TRABD2B: variants seen among roughly 807,000 people sequenced by gnomAD.
TRABD2B encodes the protein TraB domain containing 2B.
In TRABD2B, 14 loss-of-function variants were observed where a neutral mutation model predicts 40.1. The observed-to-expected ratio is 0.35, with a 90% CI of 0.23 to 0.55. TRABD2B has a LOEUF of 0.55. Ranked by LOEUF, TRABD2B falls within the 20% of genes least tolerant of loss-of-function variation. TRABD2B has a pLI of 0.90. For synonymous variants in TRABD2B, 263 were observed against 277.0 expected, an observed-to-expected ratio of 0.95 and a Z score of 0.50; for missense variants, 541 against 648.6, an observed-to-expected ratio of 0.83 and a Z score of 1.80.
At chr1:47,830,504 C>T (rs1645234346) in intron 2 of TRABD2B, among the ~76,000 whole-genome samples, 1 of 152,226 alleles carries the variant, frequency 6.6e-6, no homozygotes, top group Non-Finnish European at 1.5e-5. Flanking sequence ...CCTTCATTCT[C>T]CAGGGCCTTG....
chr1:47,912,367 T>C (rs1437390558), intron 2 of TRABD2B, among the ~76,000 whole-genome samples: 1 of 152,246 alleles, frequency 6.6e-6, no homozygotes, highest in African/African-American at 2.4e-5. Flanking sequence ...AAGCAATGTG[T>C]GCGTTTTTTC....
chr1:47,986,845 C>A (rs916728658), intron 2 of TRABD2B, among the ~76,000 whole-genome samples: 2 of 152,190 alleles, frequency 1.3e-5, no homozygotes, highest in African/African-American at 4.8e-5. Flanking sequence ...AGCTGCTCGG[C>A]GAGACGGCTT....
chr1:47,863,887 C>T (rs1301199993), intron 2 of TRABD2B, among the ~76,000 whole-genome samples: 5 of 152,240 alleles, frequency 3.3e-5, no homozygotes, highest in Admixed American at 2.6e-4. Flanking sequence ...AACTACAGTA[C>T]ATCTAGCCAA....
intron 2 of TRABD2B, among the ~76,000 whole-genome samples, chr1:47,852,076 A>G (rs1460627420): frequency 6.6e-6 from 1 of 152,194 alleles, no homozygotes; most frequent in Non-Finnish European, 1.5e-5. Context: ...TGCTAAGGGA[A>G]AGGAAAACAG....
intron 2 of TRABD2B, among the ~76,000 whole-genome samples, chr1:47,822,099 T>C (rs1645118396): frequency 6.6e-6 from 1 of 152,056 alleles, no homozygotes; most frequent in Non-Finnish European, 1.5e-5. Flanking sequence ...ACGTTTCATG[T>C]ACAGACACAA....
Position 47,762,205 on chromosome 1 carries a change from A to T in TRABD2B, c.*3697T>A, listed in dbSNP as rs937541150. ...TCCTGTCTATTCTAGAGATGACTGC[A>T]CATCACGCTGGCCAGGCACAGGGTA... On this transcript the variant is annotated 3_prime_UTR_variant, in exon 7 of 7. Transcript: ENST00000606738. 12 of 152,220 alleles carry T rather than the reference A, an allele frequency of 7.9e-5. No homozygotes were observed. The highest frequency in any genetic ancestry group is 2.9e-5 in the Non-Finnish European group (2 of 68,066). 9.4% of individuals were successfully genotyped at this position (152,220 alleles called of 1,614,324 possible).
At position 47,974,861 on chromosome 1, in the gene TRABD2B, G is replaced by A. The variant is rs569453666; in HGVS notation, c.666+19173C>T. ...CAGTAATAAGTCATGTTGCTAGCAT[G>A]TACCTTTGATATGATGTGAGGAGAA... is the stretch of plus-strand genomic sequence containing the variant. On this transcript the variant is annotated intron_variant, in intron 2 of 6. Coordinates refer to ENST00000606738, the MANE Select transcript of TRABD2B (RefSeq NM_001194986.2). 2.0e-5 allele frequency among the ~76,000 whole-genome samples: 3 copies of A among 152,328 alleles called. No individual in the cohort carries two copies. The South Asian group carries it at 6.2e-4, about 32-fold the overall frequency.
intron 6 of TRABD2B, among the ~76,000 whole-genome samples, chr1:47,774,939 T>G (rs1325780314): frequency 1.3e-5 from 2 of 152,274 alleles, no homozygotes; most frequent in Non-Finnish European, 2.9e-5. Flanking sequence ...TGAAGAAAGC[T>G]TCTATTTCCT....
intron 3 of TRABD2B, among the ~76,000 whole-genome samples, chr1:47,799,785 C>T (rs1454790930): frequency 1.3e-5 from 2 of 151,916 alleles, no homozygotes; most frequent in African/African-American, 4.8e-5. Flanking sequence ...CTTCCATGCC[C>T]TCTCATCTTG....
chr1:47,897,692 T>C (rs1295293325), intron 2 of TRABD2B, among the ~76,000 whole-genome samples: 1 of 151,978 alleles, frequency 6.6e-6, no homozygotes, highest in Non-Finnish European at 1.5e-5. Context: ...TACCCCTCAT[T>C]TGCACCACAC....
At chr1:47,920,500 C>A (rs2124732999) in intron 2 of TRABD2B, among the ~76,000 whole-genome samples, 1 of 152,346 alleles carries the variant, frequency 6.6e-6, no homozygotes, top group East Asian at 1.9e-4. Flanking sequence ...CTGGGGGCAG[C>A]CCCACTGGCT....
intron 2 of TRABD2B, among the ~76,000 whole-genome samples, chr1:47,922,258 T>C (rs1333013509): frequency 2.6e-5 from 4 of 152,288 alleles, no homozygotes; most frequent in South Asian, 2.1e-4. Flanking sequence ...TTACTTGCTA[T>C]CTCTACCAAG....
chr1:47,895,468 C>G (rs1056485639), intron 2 of TRABD2B, among the ~76,000 whole-genome samples: 1 of 152,150 alleles, frequency 6.6e-6, no homozygotes, highest in African/African-American at 2.4e-5. Flanking sequence ...GCCCCCCTCC[C>G]ACCACAGTTA....
At position 47,765,841 on chromosome 1, in the gene TRABD2B, T is replaced by C. The variant is rs772984397; in HGVS notation, c.*61A>G. ...CCCCTGGAGGTGGTGGCAGGAGCAG[T>C]TGGGTGTGGCCGAAGACCCCTGTGT... On this transcript the variant is annotated 3_prime_UTR_variant, in exon 7 of 7. Transcript: ENST00000606738. 6.1e-5 allele frequency: 43 copies of C among 702,718 alleles called. No individual in the cohort carries two copies. The highest frequency in any genetic ancestry group is 2.3e-4 in the Middle Eastern group (1 of 4,368). 43.5% of individuals were successfully genotyped at this position (702,718 alleles called of 1,614,324 possible).
intron 2 of TRABD2B, among the ~76,000 whole-genome samples, chr1:47,951,827 A>G (rs1645348919): frequency 6.6e-6 from 1 of 152,178 alleles, no homozygotes; most frequent in South Asian, 2.1e-4. Context: ...CCCACTTTAT[A>G]TACTAGGGAA....
At chr1:47,904,557 G>A (rs888940556) in intron 2 of TRABD2B, among the ~76,000 whole-genome samples, 24 of 152,230 alleles carry the variant, frequency 1.6e-4, no homozygotes, top group African/African-American at 5.5e-4. Flanking sequence ...CACAGGACAA[G>A]GGGTGCTTGC....
intron 4 of TRABD2B, among the ~76,000 whole-genome samples, chr1:47,792,002 T>A (rs960037905): frequency 6.6e-6 from 1 of 152,160 alleles, no homozygotes; most frequent in African/African-American, 2.4e-5. Context: ...CAGCTCAAGC[T>A]CAGAGGCTCT....
chr1:47,977,777 T>C (rs1645779749), intron 2 of TRABD2B, among the ~76,000 whole-genome samples: 1 of 151,392 alleles, frequency 6.6e-6, no homozygotes, highest in Admixed American at 6.6e-5. Flanking sequence ...AATTGAAAAG[T>C]ATGCCTCTGG....
chr1:47,877,989 G>A lies in TRABD2B; in HGVS notation c.667-76370C>T, dbSNP rs548352738. On this transcript the variant is annotated intron_variant, in intron 2 of 6. Coordinates refer to ENST00000606738, the MANE Select transcript of TRABD2B (RefSeq NM_001194986.2). ...TCTGCACTCCAGCCTGGGCGACAGA[G>A]CAAGTCTCCATCTCAGAAAAAAAAA... Among the ~76,000 whole-genome samples, 3 of 150,822 alleles carry A rather than the reference G, an allele frequency of 2.0e-5. No homozygotes were observed. The South Asian group carries it at 6.3e-4, about 32-fold the overall frequency.
Sources: allele counts gnomAD v4.1 joint callset (sites outside exome capture counted in the v4.1 genomes callset), GRCh38; gene constraint gnomAD v4.1.1; transcripts MANE v1.5; gene names NCBI Gene and HGNC (gene_info 2026-07-23, HGNC 2026-07-21).